ARID1B: variants seen among roughly 807,000 people sequenced by gnomAD.
ARID1B encodes the protein AT-rich interactive domain-containing protein 1B.
A neutral mutation model predicts 212.3 loss-of-function variants in ARID1B; 30 were observed. That is an observed-to-expected ratio of 0.14 (90% CI 0.11 to 0.19). The LOEUF is 0.19. Ranked by LOEUF, ARID1B falls within the 10% of genes least tolerant of loss-of-function variation. The probability of loss-of-function intolerance (pLI) is 1.00; values close to 1 mark genes in which losing one functional copy is unlikely to be tolerated. For missense variants in ARID1B, 2,891 were observed against 3,204.0 expected (o/e 0.90, Z 2.36); for synonymous variants, 1,402 against 1,301.7 (o/e 1.08, Z -1.66).
At chr6:156,839,489 A>C (rs1036867363) in intron 2 of ARID1B, among the ~76,000 whole-genome samples, 2 of 152,216 alleles carry the variant, frequency 1.3e-5, no homozygotes, top group Admixed American at 6.5e-5. Context: ...TAGGGGATAC[A>C]TTCAAATCAC....
At chr6:156,971,842 G>A (rs1039858809) in intron 4 of ARID1B, among the ~76,000 whole-genome samples, 5 of 152,112 alleles carry the variant, frequency 3.3e-5, no homozygotes, top group African/African-American at 1.2e-4. Flanking sequence ...TTTCCTTTTC[G>A]ATTAACTAAT....
At chr6:156,996,403 A>AC (rs1778594650) in intron 4 of ARID1B, among the ~76,000 whole-genome samples, 1 of 152,168 alleles carries the variant, frequency 6.6e-6, no homozygotes, top group Non-Finnish European at 1.5e-5. Flanking sequence ...TCAACAACCT[A>AC]CCACCTTCAT....
intron 4 of ARID1B, among the ~76,000 whole-genome samples, chr6:156,950,025 AAT>A (rs1308226605): frequency 3.3e-5 from 5 of 152,222 alleles, no homozygotes. Flanking sequence ...GGACAATTAA[AAT>A]ATGTTGATAA....
chr6:157,160,491 G>A (rs1554227790), intron 8 of ARID1B, among the ~76,000 whole-genome samples: 1 of 152,156 alleles, frequency 6.6e-6, no homozygotes, highest in Non-Finnish European at 1.5e-5. Flanking sequence ...CTGTTCCAGG[G>A]CACCATCATT....
chr6:156,961,122 G>A lies in ARID1B; in HGVS notation c.2247+25546G>A, dbSNP rs956167751. ...CTAACCCAAATCCCTGAGCTTTTGCGGAGACAGACACAGCTTACTCCAGAA... is the reference window on the plus strand; with the variant it reads ...CTAACCCAAATCCCTGAGCTTTTGCAGAGACAGACACAGCTTACTCCAGAA... On this transcript the variant is annotated intron_variant, in intron 4 of 19. Coordinates refer to ENST00000636930, the MANE Select transcript of ARID1B (RefSeq NM_001374828.1). 1.5e-4 allele frequency among the ~76,000 whole-genome samples: 23 copies of A among 152,154 alleles called. 1 individual carries two copies. Among genetic ancestry groups the A allele is most frequent in the Admixed American group, 2.0e-4 (3 of 15,278 alleles).
intron 3 of ARID1B, among the ~76,000 whole-genome samples, chr6:156,932,496 C>G (rs1252202407): frequency 2.6e-5 from 4 of 152,158 alleles, no homozygotes; most frequent in Admixed American, 2.6e-4. Flanking sequence ...CTTAAACTTA[C>G]AAATAACCAA....
chr6:157,201,140 G>A lies in ARID1B; in HGVS notation c.4915G>A (p.Val1639Ile), dbSNP rs567836947. ...INHESQWPSH[V>I]SQRQPYMSSS... ...TCATGAGAGCCAGTGGCCTTCTCAC[G>A]TCAGCCAGCGTCAGCCTTATATGTC... The change falls in exon 18 of 20, where the codon GTC becomes ATC. Residue 1639 changes from valine to isoleucine, a missense_variant. Transcript: ENST00000636930. This position sits in a 1 kb window ranked among gnomAD's most constrained non-coding sequence, Gnocchi z 5.2. 5.5e-5 allele frequency: 89 copies of A among 1,614,148 alleles called. No homozygotes were observed. The East Asian group carries it at 1.7e-3, about 31-fold the overall frequency.
At chr6:157,033,907 C>T (rs1233415543) in intron 4 of ARID1B, among the ~76,000 whole-genome samples, 2 of 152,208 alleles carry the variant, frequency 1.3e-5, no homozygotes, top group Admixed American at 1.3e-4. Flanking sequence ...CACCTCTGTA[C>T]TTCAGGAACC....
intron 4 of ARID1B, among the ~76,000 whole-genome samples, chr6:157,056,133 C>G (rs1782939835): frequency 6.6e-6 from 1 of 152,180 alleles, no homozygotes; most frequent in African/African-American, 2.4e-5. Context: ...CTGTCATCTC[C>G]ACACCGCCCC....
intron 4 of ARID1B, among the ~76,000 whole-genome samples, chr6:157,001,133 C>G (rs1778888576): frequency 1.3e-5 from 2 of 152,296 alleles, no homozygotes; most frequent in African/African-American, 4.8e-5. Context: ...ATCTCTAAAG[C>G]TGTTCTCTTA....
intron 5 of ARID1B, among the ~76,000 whole-genome samples, chr6:157,093,539 C>T (rs1262351556): frequency 6.6e-6 from 1 of 152,186 alleles, no homozygotes; most frequent in African/African-American, 2.4e-5. Context: ...AAACGGAATG[C>T]CTTCACTAAT....
intron 5 of ARID1B, among the ~76,000 whole-genome samples, chr6:157,097,775 G>A (rs1018427433): frequency 3.3e-5 from 5 of 152,224 alleles, no homozygotes; most frequent in Non-Finnish European, 7.3e-5. Flanking sequence ...TGGGGGCCCA[G>A]GTGGACAAAT....
intron 4 of ARID1B, among the ~76,000 whole-genome samples, chr6:156,960,304 A>C (rs1040470890): frequency 6.6e-6 from 1 of 152,134 alleles, no homozygotes; most frequent in South Asian, 2.1e-4. Context: ...GGCTGTGTAC[A>C]TATGTCCTGC....
At chr6:156,855,403 G>A (rs1583166180) in intron 2 of ARID1B, among the ~76,000 whole-genome samples, 2 of 152,170 alleles carry the variant, frequency 1.3e-5, no homozygotes, top group South Asian at 2.1e-4. Flanking sequence ...TGAGGAAGGC[G>A]TGTGCTAACA....
At chr6:157,189,922 T>C in intron 14 of ARID1B, 116 bp from the exon 15 acceptor site, 2 of 1,574,700 alleles carry the variant, frequency 1.3e-6, no homozygotes, top group East Asian at 2.2e-5. Flanking sequence ...CTTCATGTCA[T>C]TTATCTTGAA....
chr6:157,003,968 C>T (rs1374606418), intron 4 of ARID1B, among the ~76,000 whole-genome samples: 1 of 151,990 alleles, frequency 6.6e-6, no homozygotes, highest in African/African-American at 2.4e-5. Flanking sequence ...AATCCCATCT[C>T]TACAAAAAGG....
intron 4 of ARID1B, among the ~76,000 whole-genome samples, chr6:156,994,267 G>C (rs111643431): frequency 1.3e-5 from 2 of 152,132 alleles, no homozygotes; most frequent in Non-Finnish European, 2.9e-5. Flanking sequence ...GTGGGTCTGC[G>C]TTCTCTTTCA....
intron 6 of ARID1B, among the ~76,000 whole-genome samples, chr6:157,122,323 A>G (rs532763248): frequency 1.3e-5 from 2 of 152,230 alleles, no homozygotes; most frequent in Non-Finnish European, 2.9e-5. Context: ...CACTGATGCT[A>G]ATATTACTAT....
rs185882578 is a variant in ARID1B at position 157,127,432 on chromosome 6, G to A, written c.2582-5596G>A. 6.7e-4 allele frequency among the ~76,000 whole-genome samples: 102 copies of A among 152,164 alleles called. 1 individual carries two copies. Among genetic ancestry groups the A allele is most frequent in the Non-Finnish European group, 1.1e-3 (74 of 67,994 alleles). ...AGCATTTTGGGAGGCTGAGGCAGGC[G>A]GATCACAAGATCAGGAGTTTGAGAC... On this transcript the variant is annotated intron_variant, in intron 6 of 19. Coordinates refer to ENST00000636930, the MANE Select transcript of ARID1B (RefSeq NM_001374828.1).
Sources: allele counts gnomAD v4.1 joint callset (sites outside exome capture counted in the v4.1 genomes callset), GRCh38; gene constraint gnomAD v4.1.1; non-coding constraint Gnocchi (gnomAD v3.1); transcripts MANE v1.5; gene names NCBI Gene and HGNC (gene_info 2026-07-23, HGNC 2026-07-21).